Variants in TEP1 observed in about 807,000 individuals in gnomAD.
TEP1 encodes the protein telomerase protein component 1.
Under a neutral mutation model 306.3 loss-of-function variants are expected in TEP1, and 241 were observed. That is an observed-to-expected ratio of 0.79 (90% CI 0.71 to 0.88). TEP1 has a LOEUF of 0.88. Among genes scored for constraint, TEP1 ranks in the 40% least tolerant of loss-of-function variants. The pLI, the probability that TEP1 is intolerant of heterozygous loss-of-function variation, is 0.00. For missense variants in TEP1, 3,051 were observed against 3,276.1 expected (o/e 0.93, Z 1.68); for synonymous variants, 1,289 against 1,305.5 (o/e 0.99, Z 0.27).
Position 20,389,638 on chromosome 14 carries a change from CA to C in TEP1, c.2436del (p.Gly813ValfsTer4), listed in dbSNP as rs1877527347. On this transcript the variant is annotated frameshift_variant, in exon 16 of 55. Coordinates refer to ENST00000262715, the MANE Select transcript of TEP1 (RefSeq NM_007110.5). LOFTEE classifies it high-confidence loss of function. ...TATTGTACCCTTCTTAGGAGGATAC[CA>C]ACAAAGAGGCACTTGGAATTCACAC... ...WQRVNSKCLF[V>X]GILLRRVQYL... The C allele has an allele frequency of 6.2e-7, 1 of 1,614,014 alleles. No individual in the cohort carries two copies. The highest frequency in any genetic ancestry group is 1.3e-5 in the African/African-American group (1 of 74,898).
At chr14:20,404,850 A>G in intron 4 of TEP1, 78 bp from the exon 5 acceptor site, 1 of 1,496,404 alleles carries the variant, frequency 6.7e-7, no homozygotes, top group Non-Finnish European at 9.0e-7. Context: ...TTGCTGATTG[A>G]GTGTGCCTGT....
At chr14:20,380,736 C>G (rs987988213) in intron 33 of TEP1, among the ~76,000 whole-genome samples, 195 bp downstream of exon 33, 10 of 152,238 alleles carry the variant, frequency 6.6e-5, no homozygotes, top group African/African-American at 2.4e-4. Flanking sequence ...TGAAGAATCT[C>G]TGGTCCAAGA....
chr14:20,406,150 G>T (rs1363797626), intron 3 of TEP1, 83 bp downstream of exon 3: 21 of 1,408,284 alleles, frequency 1.5e-5, no homozygotes, highest in Non-Finnish European at 1.6e-5. Context: ...CTTCCAACTG[G>T]GGAGGGGACC....
At position 20,405,511 on chromosome 14, in the gene TEP1, C is replaced by T. The variant is rs1355507021; in HGVS notation, c.810G>A (p.Leu270=). 1.2e-6 allele frequency: 2 copies of T among 1,614,070 alleles called. No homozygotes were observed. The highest frequency in any genetic ancestry group is 2.7e-5 in the African/African-American group (2 of 74,938). The change falls in exon 4 of 55, where the codon CTG becomes CTA. Residue 270 remains leucine (L), a synonymous_variant. Coordinates refer to ENST00000262715, the MANE Select transcript of TEP1 (RefSeq NM_007110.5). The stretch of plus-strand genomic sequence containing the variant: ...CACGACAGATTTCAAAAATGGCAGC[C>T]AGGGTGGGGTCAGATGTATTGTTCA... ...VNMNNTSDPT[L]AAIFEICREL... is the part of the protein sequence containing the mutation.
Position 20,380,036 on chromosome 14 carries a change from G to A in TEP1, c.5021C>T (p.Ala1674Val), listed in dbSNP as rs773396602. The A allele has an allele frequency of 6.2e-7, 1 of 1,613,192 alleles. No individual in the cohort carries two copies. The highest frequency in any genetic ancestry group is 8.5e-7 in the Non-Finnish European group (1 of 1,179,778). The change falls in exon 35 of 55, where the codon GCA (alanine) becomes GTA (valine). Residue 1674 changes from alanine to valine, a missense_variant. Coordinates refer to ENST00000262715, the MANE Select transcript of TEP1 (RefSeq NM_007110.5). ...CACAGCAGTAGGGGATGAGGAAACT[G>A]CCAGAGACAGGCTGGAGCTAGAGAA... ...KNQQSSSLSL[A>V]VSSSPTAVAF...
Position 20,382,678 on chromosome 14 carries a change from G to A in TEP1, c.4085C>T (p.Pro1362Leu), listed in dbSNP as rs530356778. The A allele has an allele frequency of 2.4e-5, 38 of 1,614,024 alleles. No individual in the cohort carries two copies. The highest frequency in any genetic ancestry group is 1.3e-4 in the East Asian group (6 of 44,872). Residue 1362 changes from proline to leucine, a missense_variant, in exon 28 of 55, where the codon CCG becomes CTG. By Grantham distance (98) the Pro-to-Leu change is moderately conservative (BLOSUM62 -3). Coordinates refer to ENST00000262715, the MANE Select transcript of TEP1 (RefSeq NM_007110.5). Reference sequence around the variant, plus strand: ...ATCGGTGACCAAGCGCAGGTAGAGCGGCCGGCCTGATTCCCGCTTCACCAG... The same window carrying A: ...ATCGGTGACCAAGCGCAGGTAGAGCAGCCGGCCTGATTCCCGCTTCACCAG... ...LLLVKRESGR[P>L]LYLRLVTDHL... is the part of the protein sequence containing the mutation.
chr14:20,390,102 C>T (rs1042134166), intron 15 of TEP1, among the ~76,000 whole-genome samples: 2 of 152,102 alleles, frequency 1.3e-5, no homozygotes, highest in Non-Finnish European at 2.9e-5. Context: ...TGTTGACACA[C>T]ACCAGTACTC....
At chr14:20,371,863 C>T (rs1884862080) in intron 49 of TEP1, among the ~76,000 whole-genome samples, 1 of 152,108 alleles carries the variant, frequency 6.6e-6, no homozygotes, top group African/African-American at 2.4e-5. Flanking sequence ...TTTTCCTTCC[C>T]TCTCTACCTC....
intron 13 of TEP1, 37 bp downstream of exon 13, chr14:20,391,562 A>C: frequency 6.3e-7 from 1 of 1,590,104 alleles, no homozygotes. Context: ...GCATTCTACC[A>C]ACCCAACCCC....
intron 4 of TEP1, among the ~76,000 whole-genome samples, 181 bp downstream of exon 4, chr14:20,405,270 T>C (rs1020971618): frequency 7.2e-5 from 11 of 152,146 alleles, no homozygotes; most frequent in African/African-American, 2.4e-4. Context: ...AAGTCTAGTA[T>C]ACTCTTTCCC....
At position 20,373,413 on chromosome 14, in the gene TEP1, G is replaced by C. The variant is rs1471149786; in HGVS notation, c.6682-11C>G. On this transcript the variant is annotated splice_polypyrimidine_tract_variant and intron_variant, in intron 46 of 54. Transcript: ENST00000262715. ...GTGGGTTTGGCACACCTAGGAGGAA[G>C]GGATGGAGATGGGCTCATGAGAGTG... 1.2e-6 allele frequency: 2 copies of C among 1,613,998 alleles called. No homozygotes were observed. Among genetic ancestry groups the C allele is most frequent in the Non-Finnish European group, 1.7e-6 (2 of 1,180,012 alleles).
rs1249285447 is a variant in TEP1, at chr14:20,381,431, G to T, written c.4559-30C>A. On this transcript the variant is annotated intron_variant, in intron 31 of 54. Transcript: ENST00000262715. The surrounding 1 kb of genome is among the most constrained non-coding windows in gnomAD (Gnocchi z 4.0). ...ATGAACAGATATTGAGAAAGGCTCA[G>T]CCCTGCATCATTCCCAAGGGCAGTA... The T allele has an allele frequency of 6.2e-7, 1 of 1,613,556 alleles. No homozygotes were observed. The highest frequency in any genetic ancestry group is 2.2e-5 in the East Asian group (1 of 44,878).
At position 20,384,850 on chromosome 14, in the gene TEP1, G is replaced by C. The variant is rs1046378582; in HGVS notation, c.3107+135C>G. 4.7e-6 allele frequency: 7 copies of C among 1,496,652 alleles called. No homozygotes were observed. In the African/African-American group the frequency reaches 7.0e-5, roughly 15 times the overall value. 92.7% of individuals were successfully genotyped at this position (1,496,652 alleles called of 1,614,324 possible). ...CTGACTCCAGCACCAAGGCTGACGT[G>C]GGGCTGCAAAGGCATGCTGAGTCCT... On this transcript the variant is annotated intron_variant, in intron 21 of 54. Transcript: ENST00000262715.
At chr14:20,411,523 T>C (rs1879679030) in intron 1 of TEP1, among the ~76,000 whole-genome samples, 1 of 152,210 alleles carries the variant, frequency 6.6e-6, no homozygotes, top group African/African-American at 2.4e-5. Context: ...AACACCCATA[T>C]GTCCCCTATC....
In TEP1 at chr14:20,382,043, G is replaced by A. The variant is rs141509875; in HGVS notation, c.4294C>T (p.His1432Tyr). Residue 1432 changes from histidine (H) to tyrosine (Y), a missense_variant, in exon 30 of 55, where the codon CAC (histidine) becomes TAC (tyrosine). Around this residue, in one of 3 missense-constraint regions of TEP1, gnomAD observed 1,540 missense variants for 1,705.9 expected, o/e 0.90. Transcript: ENST00000262715. ...TRSGLTVDQL[H>Y]GVLSVWRTLP... The stretch of plus-strand genomic sequence containing the variant: ...GTCCGCCACACACTCAGCACTCCGT[G>A]CAGCTGGTCCACAGTCAAACCTGAA... The A allele has an allele frequency of 1.9e-5, 31 of 1,614,048 alleles. No individual in the cohort carries two copies. The African/African-American group carries it at 3.3e-4, about 17-fold the overall frequency.
rs774589395 is a variant in TEP1 at position 20,376,119 on chromosome 14, G to A, written c.6234C>T (p.Thr2078=). 66 of 1,613,898 alleles carry A rather than the reference G, an allele frequency of 4.1e-5. No homozygotes were observed. Among genetic ancestry groups the A allele is most frequent in the Non-Finnish European group, 4.7e-5 (56 of 1,179,982 alleles). Residue 2078 remains threonine, a synonymous_variant, in exon 42 of 55, where the codon ACC becomes ACT. Transcript: ENST00000262715. Reference sequence around the variant, plus strand: ...TGCAGCTCACCCGATCCCGGCCCCCGGTGGCCAGGCTGCCTCCATCAGTGC... The same window carrying A: ...TGCAGCTCACCCGATCCCGGCCCCCAGTGGCCAGGCTGCCTCCATCAGTGC... ...SFSTDGGSLA[T]GGRDRSLLCW... is the part of the protein sequence containing the mutation.
chr14:20,397,808 T>C (rs989399347), intron 9 of TEP1, among the ~76,000 whole-genome samples: 2 of 151,956 alleles, frequency 1.3e-5, no homozygotes, highest in African/African-American at 4.8e-5. Flanking sequence ...GGCTAGAGTG[T>C]GGTGGTGCAA....
In TEP1 at chr14:20,378,542, G is replaced by C; in HGVS notation, c.5353-7C>G. On this transcript the variant is annotated splice_region_variant and splice_polypyrimidine_tract_variant and intron_variant, in intron 37 of 54. Coordinates refer to ENST00000262715, the MANE Select transcript of TEP1 (RefSeq NM_007110.5). ...CACGGACTGTGTCCCACAGCTGAGG[G>C]AGAGAGAGGAGGAATCAGGATGCTG... is the stretch of plus-strand genomic sequence containing the variant. 1 of 1,614,080 alleles carries C rather than the reference G, an allele frequency of 6.2e-7. No homozygotes were observed. Among genetic ancestry groups the C allele is most frequent in the Non-Finnish European group, 8.5e-7 (1 of 1,179,978 alleles).
intron 17 of TEP1, among the ~76,000 whole-genome samples, chr14:20,388,324 C>T (rs980263263): frequency 6.6e-6 from 1 of 152,138 alleles, no homozygotes; most frequent in Non-Finnish European, 1.5e-5. Flanking sequence ...TGGGCCGGGG[C>T]AACGGGGTAG....
Sources: gnomAD v4.1 joint callset for allele counts (sites outside exome capture counted in the v4.1 genomes callset) on GRCh38, gnomAD v4.1.1 for gene constraint, gnomAD v4.1.1 regional missense constraint, Gnocchi (gnomAD v3.1) non-coding constraint, MANE v1.5 for transcripts, NCBI Gene and HGNC (gene_info 2026-07-23, HGNC 2026-07-21) for gene names.